The following CCDC102B variants were observed in gnomAD, a reference collection of about 807,000 sequenced individuals.
CCDC102B encodes coiled-coil domain-containing protein 102B.
CCDC102B carries 75 observed loss-of-function variants against 57.4 expected under a neutral mutation model. That is an observed-to-expected ratio of 1.31 (90% CI 1.08 to 1.58). The LOEUF (loss-of-function observed/expected upper bound fraction) is 1.58. Among genes scored for constraint, CCDC102B ranks in the 40% most tolerant of loss-of-function variants. The pLI, the probability that CCDC102B is intolerant of heterozygous loss-of-function variation, is 0.00. For missense variants in CCDC102B, 636 were observed against 582.6 expected (o/e 1.09, Z -0.94); for synonymous variants, 206 against 201.9 (o/e 1.02, Z -0.17).
At chr18:68,795,687 C>A (rs1219338206), upstream of CCDC102B, among the ~76,000 whole-genome samples, 1 of 152,126 alleles carries the variant, frequency 6.6e-6, no homozygotes, top group Non-Finnish European at 1.5e-5. Flanking sequence ...TATGGTTCCC[C>A]CTCACCCAGT....
chr18:68,780,782 A>G (rs1336965414), intron 2 of CCDC102B, among the ~76,000 whole-genome samples: 1 of 151,994 alleles, frequency 6.6e-6, no homozygotes, highest in Non-Finnish European at 1.5e-5. Context: ...AACATTTTGC[A>G]TTCACCTGGA....
chr18:68,752,466 A>G (rs2033892598), intron 2 of CCDC102B, among the ~76,000 whole-genome samples: 1 of 137,992 alleles, frequency 7.2e-6, no homozygotes, highest in South Asian at 2.2e-4. Context: ...AAAAGAAAAC[A>G]GTGAAAATGT....
chr18:68,793,539 C>T (rs918734312), upstream of CCDC102B, among the ~76,000 whole-genome samples: 2 of 152,020 alleles, frequency 1.3e-5, no homozygotes, highest in African/African-American at 4.8e-5. Context: ...TTCTCTATAA[C>T]ATGTCCGATT....
At chr18:68,769,908 A>G (rs1197675710) in intron 2 of CCDC102B, among the ~76,000 whole-genome samples, 2 of 152,198 alleles carry the variant, frequency 1.3e-5, no homozygotes, top group East Asian at 3.8e-4. Flanking sequence ...GTAGAACAAT[A>G]TGGTCATATT....
At chr18:69,038,447 A>C (rs2052351046) in intron 7 of CCDC102B, among the ~76,000 whole-genome samples, 1 of 151,988 alleles carries the variant, frequency 6.6e-6, no homozygotes, top group Admixed American at 6.6e-5. Flanking sequence ...TGATTTAGAA[A>C]TGCCTTCCAA....
intron 5 of CCDC102B, among the ~76,000 whole-genome samples, chr18:68,877,779 TCAAA>T (rs922596297): frequency 2.0e-5 from 3 of 152,144 alleles, no homozygotes; most frequent in Non-Finnish European, 2.9e-5. Flanking sequence ...ATGCCTTAAA[TCAAA>T]CAAACAATTA....
At chr18:68,736,894 C>T (rs192657444) in intron 2 of CCDC102B, among the ~76,000 whole-genome samples, 133 of 152,046 alleles carry the variant, frequency 8.7e-4, no homozygotes, top group Non-Finnish European at 1.6e-3. Context: ...CTTTTTTATA[C>T]TAAATCTTTG....
chr18:68,747,112 T>C (rs1294506640), intron 2 of CCDC102B, among the ~76,000 whole-genome samples: 2 of 152,098 alleles, frequency 1.3e-5, no homozygotes, highest in Non-Finnish European at 2.9e-5. Context: ...TCTGGCTGTT[T>C]GAAGATATAC....
intron 7 of CCDC102B, among the ~76,000 whole-genome samples, chr18:69,014,978 A>T (rs1897289): frequency 0.07 from 9,784 of 138,946 alleles, 346 homozygotes; most frequent in East Asian, 0.09. Context: ...AGAGAGAGAG[A>T]GTGTGTGTGT....
intron 5 of CCDC102B, among the ~76,000 whole-genome samples, chr18:68,884,961 T>C (rs1392856291): frequency 6.6e-6 from 1 of 151,896 alleles, no homozygotes; most frequent in East Asian, 1.9e-4. Flanking sequence ...CCACTGTCTA[T>C]ATACATTATA....
At chr18:68,945,160 A>C (rs1461695532) in intron 6 of CCDC102B, among the ~76,000 whole-genome samples, 2 of 142,050 alleles carry the variant, frequency 1.4e-5, no homozygotes, top group African/African-American at 2.5e-5. Context: ...TCATCTAGCT[A>C]TCACCCCACA....
intron 6 of CCDC102B, among the ~76,000 whole-genome samples, chr18:68,954,578 G>A (rs2049792396): frequency 6.6e-6 from 1 of 152,144 alleles, no homozygotes; most frequent in African/African-American, 2.4e-5. Context: ...ATATAAAAAT[G>A]CTTCCTTAGG....
intron 6 of CCDC102B, among the ~76,000 whole-genome samples, chr18:68,966,753 G>A (rs188899695): frequency 6.6e-6 from 1 of 152,170 alleles, no homozygotes; most frequent in African/African-American, 2.4e-5. Flanking sequence ...CATGAAACTG[G>A]GTTTTTGGAG....
chr18:68,956,283 A>G (rs958800759), intron 6 of CCDC102B, among the ~76,000 whole-genome samples: 2 of 136,980 alleles, frequency 1.5e-5, no homozygotes, highest in African/African-American at 2.8e-5. Flanking sequence ...TGGAGTATAG[A>G]TATCTCTTTG....
intron 1 of CCDC102B, among the ~76,000 whole-genome samples, chr18:68,802,199 T>A (rs777259532): frequency 9.9e-5 from 15 of 152,146 alleles, no homozygotes; most frequent in Non-Finnish European, 1.8e-4. Context: ...AGGTGAGCTT[T>A]GTTCTATCTT....
At chr18:69,053,355 A>G (rs947282232) in intron 7 of CCDC102B, among the ~76,000 whole-genome samples, 27 of 151,552 alleles carry the variant, frequency 1.8e-4, no homozygotes, top group African/African-American at 6.3e-4. Context: ...GCATATGTAT[A>G]TGTGAATATG....
chr18:68,959,634 G>A (rs757234681), intron 6 of CCDC102B, among the ~76,000 whole-genome samples: 19 of 152,012 alleles, frequency 1.2e-4, no homozygotes, highest in Admixed American at 4.6e-4. Context: ...GATGCTCTCC[G>A]GAAGCCAGGG....
At chr18:68,876,706 C>T (rs1310522293) in intron 5 of CCDC102B, among the ~76,000 whole-genome samples, 2 of 152,048 alleles carry the variant, frequency 1.3e-5, no homozygotes, top group Non-Finnish European at 2.9e-5. Flanking sequence ...CAGGTTAATT[C>T]AGAAGACTGT....
chr18:69,047,978 A>T (rs879349335), intron 7 of CCDC102B, among the ~76,000 whole-genome samples: 8 of 152,186 alleles, frequency 5.3e-5, no homozygotes, highest in Admixed American at 2.0e-4. Flanking sequence ...TACAGATTAA[A>T]TGCTATTCCT....
Sources: gnomAD v4.1 joint callset for allele counts (sites outside exome capture counted in the v4.1 genomes callset) on GRCh38, gnomAD v4.1.1 for gene constraint, MANE v1.5 for transcripts, NCBI Gene and HGNC (gene_info 2026-07-23, HGNC 2026-07-21) for gene names.